FBN2: variants seen among roughly 807,000 people sequenced by gnomAD.
FBN2 encodes fibrillin-2.
A neutral mutation model predicts 355.6 loss-of-function variants in FBN2; 105 were observed. The ratio of observed to expected loss-of-function variants is 0.30; its 90% CI spans 0.25 to 0.35. FBN2 has a LOEUF of 0.35. FBN2 is among the 10% of genes least tolerant of loss of function. FBN2 has a pLI of 1.00. For missense variants in FBN2, 3,280 were observed against 3,758.7 expected (o/e 0.87, Z 3.33); for synonymous variants, 1,350 against 1,301.2 (o/e 1.04, Z -0.81).
At chr5:128,443,785 A>G (rs1753985945) in intron 7 of FBN2, among the ~76,000 whole-genome samples, 2 of 152,224 alleles carry the variant, frequency 1.3e-5, no homozygotes, top group Admixed American at 1.3e-4. Flanking sequence ...ATCTGCCAAT[A>G]GTACTATGTT....
intron 7 of FBN2, among the ~76,000 whole-genome samples, chr5:128,439,545 C>T (rs1372137128): frequency 6.6e-6 from 1 of 152,054 alleles, no homozygotes; most frequent in Admixed American, 6.6e-5. Flanking sequence ...ATTTCCCTTG[C>T]CATCAATAGT....
chr5:128,304,069 G>A (rs1363756849), intron 45 of FBN2, among the ~76,000 whole-genome samples: 3 of 152,144 alleles, frequency 2.0e-5, no homozygotes, highest in African/African-American at 7.2e-5. Context: ...GATGTGTCAT[G>A]AAGGAAACCA....
intron 48 of FBN2, among the ~76,000 whole-genome samples, chr5:128,299,427 C>A (rs1299088339): frequency 4.5e-5 from 2 of 44,168 alleles, no homozygotes; most frequent in African/African-American, 1.1e-4. Flanking sequence ...CGCCCCTCCC[C>A]CAGCCTCACA....
chr5:128,398,609 A>G (rs1170413558), intron 8 of FBN2, among the ~76,000 whole-genome samples: 2 of 152,176 alleles, frequency 1.3e-5, no homozygotes, highest in African/African-American at 4.8e-5. Flanking sequence ...ATCTTCAATT[A>G]GCACATAGAG....
intron 6 of FBN2, among the ~76,000 whole-genome samples, chr5:128,446,898 G>A (rs1268340249): frequency 1.3e-5 from 2 of 152,204 alleles, no homozygotes; most frequent in African/African-American, 2.4e-5. Context: ...CTGAAGCCAT[G>A]GCAGAAGCAT....
chr5:128,447,277 C>A (rs1278663625), intron 6 of FBN2, among the ~76,000 whole-genome samples: 2 of 152,262 alleles, frequency 1.3e-5, no homozygotes, highest in East Asian at 1.9e-4. Flanking sequence ...TGGAACAGAG[C>A]CATATTTCTC....
intron 19 of FBN2, among the ~76,000 whole-genome samples, chr5:128,358,755 A>T (rs1025199733): frequency 1.3e-5 from 2 of 152,064 alleles, no homozygotes; most frequent in Admixed American, 6.6e-5. Flanking sequence ...GCAGATAACA[A>T]ATCTAAGGAC....
At chr5:128,282,960 CTACTA>C (rs916304179) in intron 55 of FBN2, among the ~76,000 whole-genome samples, 2 of 152,156 alleles carry the variant, frequency 1.3e-5, no homozygotes, top group Admixed American at 6.5e-5. Context: ...GTCAACAATC[CTACTA>C]TACTTCTTAG....
rs6149234 is a variant in FBN2 at position 128,434,394 on chromosome 5, G to GTATATATATATATATATA, written c.952+12069_952+12086dup. 9.1e-3 allele frequency among the ~76,000 whole-genome samples: 832 copies of GTATATATATATATATATA among 91,400 alleles called. 30 individuals are homozygous for GTATATATATATATATATA. Among genetic ancestry groups the GTATATATATATATATATA allele is most frequent in the Non-Finnish European group, 0.011 (548 of 48,516 alleles). The allele number at this position is 91,400 out of a possible 152,430, so 60.0% of individuals were successfully genotyped here. The stretch of plus-strand genomic sequence containing the variant: ...CAATGCCTGGCAGTGAATAAAGTGT[G>GTATATATATATATATATA]TATATATATATATATATATATATAT... On this transcript the variant is annotated intron_variant, in intron 7 of 64. Coordinates refer to ENST00000262464, the MANE Select transcript of FBN2 (RefSeq NM_001999.4).
chr5:128,533,290 G>A (rs556927359), intron 2 of FBN2, among the ~76,000 whole-genome samples: 6 of 152,212 alleles, frequency 3.9e-5, no homozygotes, highest in African/African-American at 1.4e-4. Flanking sequence ...ACCTCCACCC[G>A]GGTTCCAAAC....
intron 20 of FBN2, 151 bp downstream of exon 20, chr5:128,357,125 C>T: frequency 1.1e-6 from 1 of 926,750 alleles, no homozygotes; most frequent in Admixed American, 2.1e-5. Context: ...TTATGTTTTA[C>T]CTCTATATTG....
chr5:128,472,851 T>A (rs1405867555), intron 5 of FBN2, among the ~76,000 whole-genome samples: 1 of 151,666 alleles, frequency 6.6e-6, no homozygotes, highest in Non-Finnish European at 1.5e-5. Flanking sequence ...TTTACGACAA[T>A]CTTAAAAATA....
chr5:128,440,380 C>T (rs1753887365), intron 7 of FBN2, among the ~76,000 whole-genome samples: 1 of 152,034 alleles, frequency 6.6e-6, no homozygotes, highest in African/African-American at 2.4e-5. Flanking sequence ...GGAAGCATGG[C>T]TAGGGAAGCT....
intron 5 of FBN2, among the ~76,000 whole-genome samples, chr5:128,508,473 T>C (rs1300039546): frequency 1.3e-5 from 2 of 152,056 alleles, no homozygotes; most frequent in Non-Finnish European, 2.9e-5. Context: ...TCAATGTCTA[T>C]CTTCAAGTAA....
At chr5:128,306,453 T>G (rs1749881808) in intron 42 of FBN2, among the ~76,000 whole-genome samples, 1 of 152,014 alleles carries the variant, frequency 6.6e-6, no homozygotes, top group African/African-American at 2.4e-5. Context: ...AACTTCCATC[T>G]CTACTAAAAA....
intron 5 of FBN2, among the ~76,000 whole-genome samples, chr5:128,469,469 T>C (rs1484808157): frequency 6.8e-6 from 1 of 147,488 alleles, no homozygotes; most frequent in Non-Finnish European, 1.5e-5. Context: ...AGGCGGAGCT[T>C]GCAGTGAGCC....
At chr5:128,444,236 C>A (rs1754006071) in intron 7 of FBN2, among the ~76,000 whole-genome samples, 1 of 151,494 alleles carries the variant, frequency 6.6e-6, no homozygotes, top group South Asian at 2.1e-4. Flanking sequence ...CCGCGCCCGG[C>A]TAATTTTTTG....
intron 34 of FBN2, among the ~76,000 whole-genome samples, chr5:128,326,570 C>T (rs775970256): frequency 2.0e-5 from 3 of 152,186 alleles, no homozygotes; most frequent in Admixed American, 6.5e-5. Flanking sequence ...AAATATTCAT[C>T]GGAGGATCAT....
At chr5:128,341,236 C>T (rs1292334135) in intron 25 of FBN2, among the ~76,000 whole-genome samples, 1 of 152,168 alleles carries the variant, frequency 6.6e-6, no homozygotes, top group Non-Finnish European at 1.5e-5. Context: ...GAGGTGGGGT[C>T]AGAACTGGAA....
Sources: allele counts gnomAD v4.1 joint callset (sites outside exome capture counted in the v4.1 genomes callset), GRCh38; gene constraint gnomAD v4.1.1; transcripts MANE v1.5; gene names NCBI Gene and HGNC (gene_info 2026-07-23, HGNC 2026-07-21).